Variants in KDM4C observed in about 807,000 individuals in gnomAD.
KDM4C encodes lysine-specific demethylase 4C.
Under a neutral mutation model 129.3 loss-of-function variants are expected in KDM4C, and 81 were observed. The observed-to-expected ratio is 0.63, with a 90% confidence interval of 0.52 to 0.75. KDM4C has a LOEUF of 0.75. Ranked by LOEUF, KDM4C falls within the 30% of genes least tolerant of loss-of-function variation. The pLI, the probability that KDM4C is intolerant of heterozygous loss-of-function variation, is 0.00. For missense variants in KDM4C, 1,457 were observed against 1,304.0 expected, an observed-to-expected ratio of 1.12 and a Z score of -1.81; for synonymous variants, 573 against 456.1, an observed-to-expected ratio of 1.26 and a Z score of -3.26.
At chr9:6,906,135 A>C (rs1377336511) in intron 8 of KDM4C, among the ~76,000 whole-genome samples, 1 of 152,150 alleles carries the variant, frequency 6.6e-6, no homozygotes, top group African/African-American at 2.4e-5. Context: ...GCACATGTCA[A>C]GTTTAGTTGT....
At chr9:6,921,523 T>A (rs1431442448) in intron 8 of KDM4C, among the ~76,000 whole-genome samples, 1 of 152,216 alleles carries the variant, frequency 6.6e-6, no homozygotes, top group Non-Finnish European at 1.5e-5. Context: ...ATCTCTGGGA[T>A]GCCCACTGCT....
At chr9:6,951,515 G>C (rs1253904032) in intron 8 of KDM4C, among the ~76,000 whole-genome samples, 1 of 152,152 alleles carries the variant, frequency 6.6e-6, no homozygotes, top group Non-Finnish European at 1.5e-5. Flanking sequence ...CTATGAAAAA[G>C]AGGAATGTCT....
At chr9:6,947,965 C>A (rs1827277415) in intron 8 of KDM4C, 1 of 151,822 alleles carries the variant, frequency 6.6e-6, no homozygotes, top group South Asian at 2.1e-4. Flanking sequence ...CGTATATGTC[C>A]CTTATTCAAA....
intron 1 of KDM4C, among the ~76,000 whole-genome samples, chr9:6,776,393 C>G (rs1484814539): frequency 1.3e-5 from 2 of 152,046 alleles, no homozygotes; most frequent in Non-Finnish European, 2.9e-5. Context: ...TCCCGAGAAG[C>G]TGGGAATACG....
chr9:7,113,034 C>G (rs552510724), intron 18 of KDM4C, among the ~76,000 whole-genome samples: 2 of 151,624 alleles, frequency 1.3e-5, no homozygotes, highest in African/African-American at 4.8e-5. Context: ...TTTGTTTCTT[C>G]TACATAAGCT....
chr9:7,090,903 A>G (rs1456244753), intron 17 of KDM4C, among the ~76,000 whole-genome samples: 1 of 152,230 alleles, frequency 6.6e-6, no homozygotes, highest in African/African-American at 2.4e-5. Context: ...TGAGAACTGT[A>G]CTTTTCTTGC....
intron 12 of KDM4C, 49 bp downstream of exon 12, chr9:6,990,573 AAAAC>A (rs1818560342): frequency 8.1e-7 from 1 of 1,231,666 alleles, no homozygotes; most frequent in Non-Finnish European, 1.1e-6. Flanking sequence ...TTTGGTGTGT[AAAAC>A]AAACTATTGT....
chr9:6,792,828 G>T (rs1826947699), intron 1 of KDM4C, 144 bp from the exon 2 acceptor site: 1 of 796,820 alleles, frequency 1.3e-6, no homozygotes, highest in Non-Finnish European at 2.1e-6. Flanking sequence ...CAGAGATGAG[G>T]GAGTCTCCCT....
chr9:6,749,238 C>T (rs952181427), intron 1 of KDM4C, among the ~76,000 whole-genome samples: 4 of 152,056 alleles, frequency 2.6e-5, no homozygotes, highest in African/African-American at 2.4e-5. Flanking sequence ...AGGCTGGTTT[C>T]GAACCCCCGA....
At chr9:7,024,340 AATTATT>A (rs1336779601) in intron 15 of KDM4C, among the ~76,000 whole-genome samples, 3 of 147,984 alleles carry the variant, frequency 2.0e-5, no homozygotes, top group African/African-American at 7.5e-5. Flanking sequence ...GAATTTTTAA[AATTATT>A]ATTATACTTT....
chr9:6,735,191 T>C (rs911292581), intron 1 of KDM4C: 4 of 215,900 alleles, frequency 1.9e-5, no homozygotes, highest in Non-Finnish European at 3.7e-5. Flanking sequence ...AGTGTGAAAT[T>C]GGCTCTGCAG....
chr9:6,814,478 A>G (rs990866166), intron 3 of KDM4C, among the ~76,000 whole-genome samples, 153 bp from the exon 4 acceptor site: 1 of 152,170 alleles, frequency 6.6e-6, no homozygotes, highest in African/African-American at 2.4e-5. Context: ...AGCTATGTAA[A>G]TCAGTTTGTA....
intron 6 of KDM4C, among the ~76,000 whole-genome samples, 183 bp from the exon 7 acceptor site, chr9:6,887,777 A>G (rs1235037879): frequency 1.3e-5 from 2 of 152,240 alleles, no homozygotes; most frequent in Admixed American, 1.3e-4. Flanking sequence ...TTGGTGATGT[A>G]TCCTTTAATT....
intron 4 of KDM4C, 191 bp downstream of exon 4, chr9:6,814,936 C>T (rs181410772): frequency 4.8e-5 from 20 of 418,052 alleles, no homozygotes; most frequent in African/African-American, 4.1e-4. Flanking sequence ...GATAATCGTA[C>T]AAATACCTGA....
intron 7 of KDM4C, among the ~76,000 whole-genome samples, chr9:6,891,777 A>G (rs557382231): frequency 1.3e-5 from 2 of 152,260 alleles, no homozygotes; most frequent in African/African-American, 4.8e-5. Context: ...TTACTGTTTC[A>G]GTCTCTTCTC....
At chr9:6,998,594 G>T (rs1160829479) in intron 12 of KDM4C, among the ~76,000 whole-genome samples, 1 of 152,110 alleles carries the variant, frequency 6.6e-6, no homozygotes, top group African/African-American at 2.4e-5. Flanking sequence ...TCAGGAGTTC[G>T]AGACCAGCCT....
At chr9:7,158,403 C>G (rs188274291) in intron 19 of KDM4C, among the ~76,000 whole-genome samples, 50 of 151,010 alleles carry the variant, frequency 3.3e-4, no homozygotes, top group Non-Finnish European at 6.5e-4. Context: ...TCCAGTAGCT[C>G]TTGCTTCTCT....
intron 17 of KDM4C, among the ~76,000 whole-genome samples, chr9:7,069,850 A>T (rs941281661): frequency 6.6e-6 from 1 of 152,256 alleles, no homozygotes; most frequent in African/African-American, 2.4e-5. Flanking sequence ...AATGTGAGAC[A>T]TGAGGTGGAC....
Position 7,085,922 on chromosome 9 carries a change from G to A in KDM4C, c.2425-17763G>A, listed in dbSNP as rs544879818. Among the ~76,000 whole-genome samples, 34 of 152,152 alleles carry A rather than the reference G, an allele frequency of 2.2e-4. 1 individual carries two copies. Among genetic ancestry groups the A allele is most frequent in the Middle Eastern group, 3.4e-3 (1 of 294 alleles). Reference sequence around the variant, plus strand: ...TGTAATCCCAGCACTTTGGGAGGCCGAGGCAGGTGGATCGCCTGAAGTCAG... The same window carrying A: ...TGTAATCCCAGCACTTTGGGAGGCCAAGGCAGGTGGATCGCCTGAAGTCAG... On this transcript the variant is annotated intron_variant, in intron 17 of 21. Coordinates refer to ENST00000381309, the MANE Select transcript of KDM4C (RefSeq NM_015061.6).
Sources: gnomAD v4.1 joint callset for allele counts (sites outside exome capture counted in the v4.1 genomes callset) on GRCh38, gnomAD v4.1.1 for gene constraint, MANE v1.5 for transcripts, NCBI Gene and HGNC (gene_info 2026-07-23, HGNC 2026-07-21) for gene names.